STK32B: variants seen among roughly 807,000 people sequenced by gnomAD.
STK32B encodes the protein serine/threonine-protein kinase 32B.
STK32B carries 43 observed loss-of-function variants against 52.6 expected under a neutral mutation model. That is an observed-to-expected ratio of 0.82 (90% CI 0.64 to 1.05). STK32B has a LOEUF of 1.05. Among genes scored for constraint, STK32B ranks in the 50% least tolerant of loss-of-function variants. The pLI, the probability that STK32B is intolerant of heterozygous loss-of-function variation, is 0.00. For synonymous variants in STK32B, 238 were observed against 204.3 expected (o/e 1.17, Z -1.41); for missense variants, 621 against 534.6 (o/e 1.16, Z -1.59).
chr4:5,196,777 T>C (rs1577177420), intron 3 of STK32B, among the ~76,000 whole-genome samples: 1 of 150,490 alleles, frequency 6.6e-6, no homozygotes, highest in South Asian at 2.1e-4. Context: ...TAAATATTAC[T>C]ACTAGTGAGA....
chr4:5,416,996 T>G (rs986128650), intron 6 of STK32B, 62 bp downstream of exon 6: 2 of 1,463,602 alleles, frequency 1.4e-6, no homozygotes, highest in Non-Finnish European at 1.9e-6. Flanking sequence ...CTCAGCATCC[T>G]TCTCTTGTTT....
chr4:5,068,042 C>T (rs1360985625), intron 1 of STK32B, among the ~76,000 whole-genome samples: 1 of 152,098 alleles, frequency 6.6e-6, no homozygotes, highest in Non-Finnish European at 1.5e-5. Flanking sequence ...GGCAGGGACA[C>T]AAATCCAAAC....
intron 3 of STK32B, among the ~76,000 whole-genome samples, chr4:5,202,835 T>C (rs888688034): frequency 6.6e-6 from 1 of 152,358 alleles, no homozygotes; most frequent in East Asian, 1.9e-4. Context: ...AATGTAACTA[T>C]TGATGTGCAT....
intron 4 of STK32B, among the ~76,000 whole-genome samples, chr4:5,383,506 G>T (rs546677038): frequency 6.6e-6 from 1 of 152,296 alleles, no homozygotes; most frequent in East Asian, 1.9e-4. Flanking sequence ...ATCCCATTGT[G>T]AGCCAGCTCA....
At chr4:5,320,731 A>G (rs1731431604) in intron 3 of STK32B, among the ~76,000 whole-genome samples, 1 of 152,188 alleles carries the variant, frequency 6.6e-6, no homozygotes, top group Non-Finnish European at 1.5e-5. Context: ...CATTAACTAT[A>G]TTTAGTGTTT....
At chr4:5,289,519 A>C (rs866475113) in intron 3 of STK32B, among the ~76,000 whole-genome samples, 23 of 152,070 alleles carry the variant, frequency 1.5e-4, no homozygotes, top group Middle Eastern at 3.4e-3. Flanking sequence ...AGAGGTGTTC[A>C]GTCTCATTAG....
chr4:5,076,619 C>G (rs1169501937), intron 1 of STK32B, among the ~76,000 whole-genome samples: 8 of 152,164 alleles, frequency 5.3e-5, no homozygotes, highest in African/African-American at 1.7e-4. Context: ...CAAGGCTGAT[C>G]TATACCAATA....
At chr4:5,449,329 A>G (rs540176448) in intron 7 of STK32B, among the ~76,000 whole-genome samples, 1 of 152,292 alleles carries the variant, frequency 6.6e-6, no homozygotes, top group East Asian at 1.9e-4. Flanking sequence ...GGTGTGACAG[A>G]GCAAGACTCT....
intron 4 of STK32B, among the ~76,000 whole-genome samples, chr4:5,352,073 G>A (rs1303468225): frequency 6.6e-6 from 1 of 152,038 alleles, no homozygotes; most frequent in Admixed American, 6.6e-5. Context: ...TGAAGAGAAA[G>A]AAACTCTCCC....
At chr4:5,105,039 T>A (rs1207088344) in intron 1 of STK32B, among the ~76,000 whole-genome samples, 1 of 152,256 alleles carries the variant, frequency 6.6e-6, no homozygotes, top group Non-Finnish European at 1.5e-5. Context: ...AATTTACATT[T>A]TCACTTGCGA....
chr4:5,322,904 C>T (rs188244252), intron 3 of STK32B, among the ~76,000 whole-genome samples: 1 of 152,284 alleles, frequency 6.6e-6, no homozygotes, highest in East Asian at 1.9e-4. Context: ...CATGGCTGAC[C>T]TTTAGTTTGT....
rs1022039019 is a variant in STK32B, at chr4:5,499,264, A to G, written c.*181A>G. 1.3e-6 allele frequency: 1 copy of G among 770,986 alleles called. No individual in the cohort carries two copies. 47.8% of individuals were successfully genotyped at this position (770,986 alleles called of 1,614,324 possible). ...CATCTCCATGACTGATTCACGTGTG[A>G]CCTCAGACAAGTCACGCCCTCTCTG... On this transcript the variant is annotated 3_prime_UTR_variant, in exon 12 of 12. Coordinates refer to ENST00000282908, the MANE Select transcript of STK32B (RefSeq NM_018401.3).
chr4:5,283,066 C>G (rs1228488517), intron 3 of STK32B, among the ~76,000 whole-genome samples: 1 of 152,014 alleles, frequency 6.6e-6, no homozygotes, highest in East Asian at 1.9e-4. Context: ...ATGAACAACT[C>G]CCCATCTCCT....
chr4:5,117,300 T>C (rs1560160011), intron 1 of STK32B, among the ~76,000 whole-genome samples: 1 of 152,242 alleles, frequency 6.6e-6, no homozygotes, highest in Non-Finnish European at 1.5e-5. Context: ...CTTTATTATA[T>C]TGAGAAGTAT....
chr4:5,462,406 G>T (rs1003142359), intron 9 of STK32B, among the ~76,000 whole-genome samples: 1 of 150,810 alleles, frequency 6.6e-6, no homozygotes, highest in Non-Finnish European at 1.5e-5. Context: ...GTGTGCATCT[G>T]TGTGTGTGTG....
At position 5,105,665 on chromosome 4, in the gene STK32B, G is replaced by A. The variant is rs911067473; in HGVS notation, c.53-34240G>A. ...TGCAAGCTCCGCCTCCCGGGTTCAC[G>A]CCATTCTCCTGCCTCAGCCTCCCGA... On this transcript the variant is annotated intron_variant, in intron 1 of 11. Coordinates refer to ENST00000282908, the MANE Select transcript of STK32B (RefSeq NM_018401.3). 2.6e-5 allele frequency among the ~76,000 whole-genome samples: 4 copies of A among 151,848 alleles called. No individual in the cohort carries two copies. In the South Asian group the frequency reaches 6.2e-4, roughly 24 times the overall value.
intron 1 of STK32B, among the ~76,000 whole-genome samples, chr4:5,119,603 A>T (rs1164534066): frequency 3.3e-5 from 5 of 152,336 alleles, no homozygotes; most frequent in African/African-American, 9.6e-5. Context: ...CAAGAATCTG[A>T]CAAAACCTGA....
At chr4:5,160,662 C>T (rs13128441) in intron 2 of STK32B, among the ~76,000 whole-genome samples, 117,059 of 152,188 alleles carry the variant, frequency 0.77, 45,135 homozygotes, top group East Asian at 0.9. Context: ...CATTCAGCCA[C>T]AGTTATCAGC....
chr4:5,493,166 C>T (rs916924156), intron 11 of STK32B, among the ~76,000 whole-genome samples: 1 of 151,918 alleles, frequency 6.6e-6, no homozygotes, highest in Admixed American at 6.5e-5. Context: ...ACTAGTTCCT[C>T]CTTGTACCTC....
Sources: gnomAD v4.1 joint callset for allele counts (sites outside exome capture counted in the v4.1 genomes callset) on GRCh38, gnomAD v4.1.1 for gene constraint, MANE v1.5 for transcripts, NCBI Gene and HGNC (gene_info 2026-07-23, HGNC 2026-07-21) for gene names.